GRIN2B: variants seen among roughly 807,000 people sequenced by gnomAD.
GRIN2B encodes glutamate ionotropic receptor NMDA type subunit 2B, also known as glutamate receptor ionotropic, NMDA 2B.
GRIN2B carries 5 observed loss-of-function variants against 114.5 expected under a neutral mutation model. The ratio of observed to expected loss-of-function variants is 0.04; its 90% confidence interval spans 0.02 to 0.09. The LOEUF (loss-of-function observed/expected upper bound fraction) is 0.09. Ranked by LOEUF, GRIN2B falls within the 10% of genes least tolerant of loss-of-function variation. The pLI is 1.00. For missense variants in GRIN2B, 1,108 were observed against 1,943.5 expected (o/e 0.57, Z 8.08); for synonymous variants, 787 against 745.1 (o/e 1.06, Z -0.92).
At chr12:13,614,368 CT>C (rs1388695581) in intron 8 of GRIN2B, among the ~76,000 whole-genome samples, 26 of 152,312 alleles carry the variant, frequency 1.7e-4, no homozygotes, top group Non-Finnish European at 3.4e-4. Context: ...ACCCAGTCTC[CT>C]TTCTGCTAGC....
Position 13,563,488 on chromosome 12 carries a change from G to A in GRIN2B, c.3750C>T (p.Asn1250=), listed in dbSNP as rs200883120. 25 of 1,614,064 alleles carry A rather than the reference G, an allele frequency of 1.5e-5. No individual in the cohort carries two copies. Among genetic ancestry groups the A allele is most frequent in the African/African-American group, 1.1e-4 (8 of 74,930 alleles). ...AGTTGTCCTCACTGATGTCATACAG[G>A]TTGCCTGCTTTCTTGCAAGCCTCAC... is the stretch of plus-strand genomic sequence containing the variant. ...IRCEACKKAG[N]LYDISEDNSL... Residue 1250 remains asparagine, a synonymous_variant, in exon 14 of 14, where the codon AAC becomes AAT. Transcript: ENST00000609686.
chr12:13,564,553 G>T lies in GRIN2B; in HGVS notation c.2685C>A (p.His895Gln), dbSNP rs549839161. 6.2e-7 allele frequency: 1 copy of T among 1,614,154 alleles called. No individual in the cohort carries two copies. The highest frequency in any genetic ancestry group is 1.1e-5 in the South Asian group (1 of 91,080). Residue 895 changes from histidine to glutamine, a missense_variant, in exon 14 of 14, where the codon CAC (histidine) becomes CAA (glutamine). By Grantham distance (24) the His-to-Gln change is conservative. Coordinates refer to ENST00000609686, the MANE Select transcript of GRIN2B (RefSeq NM_000834.5). This position sits in a 1 kb window ranked among gnomAD's most constrained non-coding sequence, Gnocchi z 4.8. ...NSPTATMNNT[H>Q]SNILRLLRTA... is the part of the protein sequence containing the mutation. ...TGCGCAGCAGGCGCAGGATGTTGGAGTGTGTGTTGTTCATGGTTGCGGTGG... is the reference window on the plus strand; with the variant it reads ...TGCGCAGCAGGCGCAGGATGTTGGATTGTGTGTTGTTCATGGTTGCGGTGG...
intron 2 of GRIN2B, among the ~76,000 whole-genome samples, chr12:13,952,558 C>T (rs538894237): frequency 6.6e-5 from 10 of 152,262 alleles, no homozygotes; most frequent in African/African-American, 2.2e-4. Flanking sequence ...CGGTGAGAAC[C>T]TCCCTATCTG....
Position 13,675,772 on chromosome 12 carries a change from A to G in GRIN2B, c.1098T>C (p.Leu366=). ...TTTCCCACTTCCTCTCCTTGTTCAG[A>G]AGAATTATCACCAGTTTCGGGTGCA... ...YQMHPKLVII[L]LNKERKWERV... is the part of the protein sequence containing the mutation. The change falls in exon 5 of 14, where the codon CTT becomes CTC. Residue 366 remains leucine, a synonymous_variant. Transcript: ENST00000609686. The G allele has an allele frequency of 2.5e-6, 4 of 1,609,208 alleles. No homozygotes were observed. The highest frequency in any genetic ancestry group is 2.6e-6 in the Non-Finnish European group (3 of 1,175,698).
chr12:13,933,101 C>T (rs770941248), intron 2 of GRIN2B, among the ~76,000 whole-genome samples: 8 of 152,154 alleles, frequency 5.3e-5, no homozygotes, highest in Non-Finnish European at 7.3e-5. Flanking sequence ...TTCCTTTCCC[C>T]TTGCCCATTC....
rs1426932297 is a variant in GRIN2B at position 13,638,856 on chromosome 12, G to A, written c.1126-22199C>T. Among the ~76,000 whole-genome samples, 2 of 151,984 alleles carry A rather than the reference G, an allele frequency of 1.3e-5. 1 individual carries two copies. The highest frequency in any genetic ancestry group is 4.2e-4 in the South Asian group (2 of 4,814). On this transcript the variant is annotated intron_variant, in intron 5 of 13. Transcript: ENST00000609686. Reference sequence around the variant, plus strand: ...GGAAATGGAAGGGTCTGAATTTTCTGGACATTACCCCATTTCTTACCCCAG... The same window carrying A: ...GGAAATGGAAGGGTCTGAATTTTCTAGACATTACCCCATTTCTTACCCCAG...
chr12:13,658,678 G>T (rs1213463208), intron 5 of GRIN2B, among the ~76,000 whole-genome samples: 1 of 151,988 alleles, frequency 6.6e-6, no homozygotes, highest in East Asian at 1.9e-4. Flanking sequence ...TCCTTAAATT[G>T]TCAAGAAAAA....
At chr12:13,827,731 G>A (rs564887676) in intron 3 of GRIN2B, among the ~76,000 whole-genome samples, 107 of 152,134 alleles carry the variant, frequency 7.0e-4, no homozygotes, top group African/African-American at 2.5e-3. Flanking sequence ...GCCCAGGGTG[G>A]AGTGCGGTGG....
At chr12:13,671,979 G>C (rs1771417192) in intron 5 of GRIN2B, among the ~76,000 whole-genome samples, 1 of 152,082 alleles carries the variant, frequency 6.6e-6, no homozygotes, top group Non-Finnish European at 1.5e-5. Context: ...AGTGTGACGG[G>C]GTGACTACCT....
In GRIN2B at chr12:13,652,364, G is replaced by A. The variant is rs556162983; in HGVS notation, c.1125+23381C>T. The stretch of plus-strand genomic sequence containing the variant: ...TGGATGAAGTGTGTTGGTTAGTTTG[G>A]AAACACCTAATCTGTTTCTAATGGA... On this transcript the variant is annotated intron_variant, in intron 5 of 13. Coordinates refer to ENST00000609686, the MANE Select transcript of GRIN2B (RefSeq NM_000834.5). Among the ~76,000 whole-genome samples the A allele has an allele frequency of 3.9e-5, 6 of 151,966 alleles. No individual in the cohort carries two copies. The South Asian group carries it at 1.3e-3, about 32-fold the overall frequency.
At chr12:13,734,001 A>T (rs1260975545) in intron 4 of GRIN2B, among the ~76,000 whole-genome samples, 4 of 152,170 alleles carry the variant, frequency 2.6e-5, no homozygotes, top group Admixed American at 2.0e-4. Context: ...GCTTCTTGCC[A>T]CTATACCATA....
chr12:13,887,368 T>G (rs1381173449), intron 2 of GRIN2B, among the ~76,000 whole-genome samples: 1 of 152,172 alleles, frequency 6.6e-6, no homozygotes, highest in African/African-American at 2.4e-5. Context: ...ACCATTCATA[T>G]TTTTCAATAC....
intron 3 of GRIN2B, among the ~76,000 whole-genome samples, chr12:13,754,399 C>T (rs946360091): frequency 6.6e-6 from 1 of 152,140 alleles, no homozygotes; most frequent in African/African-American, 2.4e-5. Context: ...TTTTGGATTT[C>T]TTGCTTGTGA....
At chr12:13,719,178 T>A (rs892592892) in intron 4 of GRIN2B, among the ~76,000 whole-genome samples, 4 of 151,984 alleles carry the variant, frequency 2.6e-5, no homozygotes, top group African/African-American at 9.7e-5. Context: ...AGACTGCCAC[T>A]CCCGCAAGCT....
chr12:13,672,537 T>A (rs1950032559), intron 5 of GRIN2B, among the ~76,000 whole-genome samples: 2 of 152,070 alleles, frequency 1.3e-5, no homozygotes, highest in South Asian at 4.1e-4. Flanking sequence ...CATGATGCAA[T>A]CTCACCACAA....
chr12:13,660,703 A>G (rs552943454), intron 5 of GRIN2B, among the ~76,000 whole-genome samples: 1 of 152,330 alleles, frequency 6.6e-6, no homozygotes, highest in African/African-American at 2.4e-5. Flanking sequence ...GGTGGGATGA[A>G]GGGATCTAAA....
intron 4 of GRIN2B, among the ~76,000 whole-genome samples, chr12:13,687,483 T>C (rs1027308005): frequency 3.3e-5 from 5 of 152,154 alleles, no homozygotes; most frequent in Non-Finnish European, 7.4e-5. Context: ...TTCACAGCCA[T>C]AACATCAACA....
In GRIN2B at chr12:13,567,038, A is replaced by G; in HGVS notation, c.2585T>C (p.Phe862Ser). 1 of 1,611,666 alleles carries G rather than the reference A, an allele frequency of 6.2e-7. No individual in the cohort carries two copies. ...CAAAACACTTACTCTGCTGATGGAG[A>G]AGACCATGCCAGGCTTGCCAGAACA... ...GVCSGKPGMV[F>S]SISRGIYSCI... Residue 862 changes from phenylalanine to serine, a missense_variant, in exon 13 of 14, where the codon TTC becomes TCC. Coordinates refer to ENST00000609686, the MANE Select transcript of GRIN2B (RefSeq NM_000834.5).
At chr12:13,962,548 C>T (rs4764043) in intron 2 of GRIN2B, among the ~76,000 whole-genome samples, 7,543 of 152,310 alleles carry the variant, frequency 0.05, 264 homozygotes, top group East Asian at 0.089. Context: ...CACTTGAATG[C>T]TTGACATTCT....
Sources: allele counts gnomAD v4.1 joint callset (sites outside exome capture counted in the v4.1 genomes callset), GRCh38; gene constraint gnomAD v4.1.1; non-coding constraint Gnocchi (gnomAD v3.1); transcripts MANE v1.5; gene names NCBI Gene and HGNC (gene_info 2026-07-23, HGNC 2026-07-21).